The following TRDN variants were observed in gnomAD, a reference collection of about 807,000 sequenced individuals.
The protein encoded by TRDN is triadin.
TRDN carries 161 observed loss-of-function variants against 149.7 expected under a neutral mutation model. The observed-to-expected ratio is 1.08, with a 90% CI of 0.95 to 1.23. TRDN has a LOEUF of 1.23. Ranked by LOEUF, TRDN falls within the 50% of genes most tolerant of loss-of-function variation. The pLI, the probability that TRDN is intolerant of heterozygous loss-of-function variation, is 0.00. For missense variants in TRDN, 896 were observed against 823.5 expected (o/e 1.09, Z -1.08); for synonymous variants, 294 against 250.5 (o/e 1.17, Z -1.64).
At chr6:123,450,358 A>G (rs11154164) in intron 10 of TRDN, among the ~76,000 whole-genome samples, 22,954 of 152,082 alleles carry the variant, frequency 0.15, 2,249 homozygotes, top group African/African-American at 0.28. Flanking sequence ...AGACTTAAGG[A>G]CACACATAAA....
intron 9 of TRDN, among the ~76,000 whole-genome samples, chr6:123,481,676 A>C (rs1285782568): frequency 6.6e-6 from 1 of 152,174 alleles, no homozygotes; most frequent in Non-Finnish European, 1.5e-5. Context: ...CACGTGTTAC[A>C]TCTACTTTTA....
chr6:123,553,581 ACAC>A (rs1173717270), intron 2 of TRDN, among the ~76,000 whole-genome samples: 1 of 152,148 alleles, frequency 6.6e-6, no homozygotes, highest in Non-Finnish European at 1.5e-5. Flanking sequence ...TGATAAAGAC[ACAC>A]CTGAGACTGG....
intron 14 of TRDN, among the ~76,000 whole-genome samples, chr6:123,382,640 C>A (rs962840962): frequency 1.3e-5 from 2 of 151,844 alleles, no homozygotes; most frequent in Non-Finnish European, 2.9e-5. Context: ...GATATTCAGA[C>A]ATTCTTATGG....
intron 21 of TRDN, among the ~76,000 whole-genome samples, chr6:123,340,593 G>T (rs1233918492): frequency 6.6e-6 from 1 of 151,992 alleles, no homozygotes; most frequent in African/African-American, 2.4e-5. Context: ...TACCCAGCTT[G>T]CTCTACTGAA....
In TRDN at chr6:123,527,358, G is replaced by C. The variant is rs573450336; in HGVS notation, c.484+3148C>G. On this transcript the variant is annotated intron_variant, in intron 5 of 40. Transcript: ENST00000334268. ...AACATCTGTGGGCAGAGTTATTTAT[G>C]ATTACAAAGGAAACTCAGACTGTTG... 2.6e-4 allele frequency among the ~76,000 whole-genome samples: 39 copies of C among 152,096 alleles called. No individual in the cohort carries two copies. In the East Asian group the frequency reaches 3.1e-3, roughly 12 times the overall value.
At chr6:123,607,131 T>C (rs533107731) in intron 1 of TRDN, among the ~76,000 whole-genome samples, 1 of 152,352 alleles carries the variant, frequency 6.6e-6, no homozygotes, top group African/African-American at 2.4e-5. Context: ...ATTACAGTAC[T>C]GGATTATTGT....
intron 20 of TRDN, among the ~76,000 whole-genome samples, chr6:123,358,525 T>C (rs1381624386): frequency 6.6e-6 from 1 of 151,862 alleles, no homozygotes; most frequent in Non-Finnish European, 1.5e-5. Context: ...AGTGTAATGG[T>C]GCAATCTTGG....
chr6:123,412,417 T>TAAAG (rs992153292), intron 12 of TRDN, among the ~76,000 whole-genome samples: 9 of 152,320 alleles, frequency 5.9e-5, no homozygotes, highest in Admixed American at 2.6e-4. Context: ...TTTCAACAGC[T>TAAAG]AAAGAGCCAC....
At chr6:123,431,081 C>G (rs1164695928) in intron 12 of TRDN, among the ~76,000 whole-genome samples, 2 of 152,184 alleles carry the variant, frequency 1.3e-5, no homozygotes, top group Non-Finnish European at 2.9e-5. Context: ...TTATAAAACA[C>G]TTGAAAATAT....
chr6:123,315,337 A>G (rs1319327047), intron 24 of TRDN, among the ~76,000 whole-genome samples: 2 of 151,934 alleles, frequency 1.3e-5, no homozygotes, highest in South Asian at 2.1e-4. Flanking sequence ...GCAGTTTAAA[A>G]TTGTTCAACT....
Position 123,349,875 on chromosome 6 carries a change from T to C in TRDN, c.1369+2664A>G, listed in dbSNP as rs79979693. 1.0e-3 allele frequency: 1,024 copies of C among 985,374 alleles called. 31 individuals carry two copies. In the East Asian group the frequency reaches 0.077, roughly 74 times the overall value. The allele number at this position is 985,374 out of a possible 1,614,324, so 61.0% of individuals were successfully genotyped here. On this transcript the variant is annotated intron_variant, in intron 21 of 40. Coordinates refer to ENST00000334268, the MANE Select transcript of TRDN (RefSeq NM_006073.4). ...AGTGATAGATTTACAAAGCTTGCAA[T>C]AGCACTTGGGTTTTGCCTGGTGTTG...
At position 123,433,640 on chromosome 6, in the gene TRDN, GA is replaced by G. The variant is rs527240738; in HGVS notation, c.1051+4422del. Among the ~76,000 whole-genome samples the G allele has an allele frequency of 9.1e-4, 136 of 149,990 alleles. 3 individuals are homozygous for G. In the South Asian group the frequency reaches 0.023, roughly 25 times the overall value. On this transcript the variant is annotated intron_variant, in intron 12 of 40. Coordinates refer to ENST00000334268, the MANE Select transcript of TRDN (RefSeq NM_006073.4). ...TTATAGTTCTATACAGATAATTCCT[GA>G]AAAAAAAATCCTATTGGAAAGTGTG...
In TRDN at chr6:123,223,669, A is replaced by ATTTC. The variant is rs1384507677; in HGVS notation, c.2014+420_2014+423dup. 4.6e-5 allele frequency among the ~76,000 whole-genome samples: 5 copies of ATTTC among 108,270 alleles called. No homozygotes were observed. The East Asian group carries it at 2.1e-3, about 46-fold the overall frequency. 71.0% of individuals were successfully genotyped at this position (108,270 alleles called of 152,430 possible). ...GTGCAGGGGTTGAGTCCAGCCTTCCATTTCTTCCTTCCTTCCTTCCTTCCT... is the reference window on the plus strand; with the variant it reads ...GTGCAGGGGTTGAGTCCAGCCTTCCATTTCTTTCTTCCTTCCTTCCTTCCTTCCT... On this transcript the variant is annotated intron_variant, in intron 39 of 40. Transcript: ENST00000334268.
intron 12 of TRDN, among the ~76,000 whole-genome samples, chr6:123,422,593 A>T (rs1037911107): frequency 1.3e-5 from 2 of 152,184 alleles, no homozygotes; most frequent in African/African-American, 4.8e-5. Context: ...GGACTAAATT[A>T]ATCATGATGA....
intron 2 of TRDN, among the ~76,000 whole-genome samples, chr6:123,551,649 T>G (rs1411268829): frequency 2.0e-5 from 3 of 152,038 alleles, no homozygotes; most frequent in African/African-American, 7.2e-5. Flanking sequence ...CACATTTTCT[T>G]CTCAATAACC....
chr6:123,501,698 G>T, intron 8 of TRDN: 2 of 332,930 alleles, frequency 6.0e-6, no homozygotes, highest in Non-Finnish European at 8.6e-6. Context: ...ACTTGCTTTA[G>T]CAATTGCAAT....
At position 123,350,737 on chromosome 6, in the gene TRDN, C is replaced by T. The variant is rs1400557082; in HGVS notation, c.1369+1802G>A. ...ATTGTTATGATTGAAAAATATGAGG[C>T]CATTGTCATACAATATTTAAAATTG... On this transcript the variant is annotated intron_variant, in intron 21 of 40. Coordinates refer to ENST00000334268, the MANE Select transcript of TRDN (RefSeq NM_006073.4). 3.3e-6 allele frequency: 3 copies of T among 895,612 alleles called. No homozygotes were observed. The African/African-American group carries it at 5.4e-5, about 16-fold the overall frequency. The allele number at this position is 895,612 out of a possible 1,614,324, so 55.5% of individuals were successfully genotyped here. A position where few individuals can be genotyped will look rare whatever the true frequency, so the allele number is the denominator to read the frequency against.
At chr6:123,434,142 A>G (rs888784257) in intron 12 of TRDN, 1 of 152,160 alleles carries the variant, frequency 6.6e-6, no homozygotes, top group African/African-American at 2.4e-5. Flanking sequence ...GATAGGTTTC[A>G]TCACTATAAA....
At chr6:123,421,805 C>CAA (rs56022131) in intron 12 of TRDN, among the ~76,000 whole-genome samples, 9 of 92,636 alleles carry the variant, frequency 9.7e-5, no homozygotes, top group Non-Finnish European at 1.3e-4. Flanking sequence ...CCTTTCTCTA[C>CAA]AAAAAAAAAA....
Sources: allele counts gnomAD v4.1 joint callset (sites outside exome capture counted in the v4.1 genomes callset), GRCh38; gene constraint gnomAD v4.1.1; transcripts MANE v1.5; gene names NCBI Gene and HGNC (gene_info 2026-07-23, HGNC 2026-07-21).